Variants in ROBO1 observed in about 807,000 individuals in gnomAD.
ROBO1 encodes the protein roundabout guidance receptor 1, also known as roundabout homolog 1.
ROBO1 carries 149 observed loss-of-function variants against 195.9 expected under a neutral mutation model. The ratio of observed to expected loss-of-function variants is 0.76; its 90% CI spans 0.67 to 0.87. ROBO1 has a LOEUF of 0.87. ROBO1 is among the 40% of genes least tolerant of loss of function. The pLI, the probability that ROBO1 is intolerant of heterozygous loss-of-function variation, is 0.00. For synonymous variants in ROBO1, 816 were observed against 733.2 expected (o/e 1.11, Z -1.82); for missense variants, 1,933 against 2,068.3 (o/e 0.93, Z 1.27).
intron 3 of ROBO1, among the ~76,000 whole-genome samples, chr3:79,001,883 T>C (rs530269367): frequency 6.6e-6 from 1 of 152,144 alleles, no homozygotes; most frequent in East Asian, 1.9e-4. Context: ...AACATAAACT[T>C]ATTTAATTTT....
At chr3:78,796,672 T>C (rs1228772463) in intron 4 of ROBO1, among the ~76,000 whole-genome samples, 1 of 152,178 alleles carries the variant, frequency 6.6e-6, no homozygotes, top group Non-Finnish European at 1.5e-5. Flanking sequence ...CATCAAGTCC[T>C]GACAATCTTA....
intron 1 of ROBO1, among the ~76,000 whole-genome samples, chr3:79,615,690 T>C (rs958662689): frequency 1.3e-5 from 2 of 152,082 alleles, no homozygotes; most frequent in African/African-American, 4.8e-5. Context: ...AAGATAAACA[T>C]GTAGAACAAA....
In ROBO1 at chr3:78,631,148, A is replaced by G. The variant is rs993554398; in HGVS notation, c.3626+13T>C. The G allele has an allele frequency of 6.2e-7, 1 of 1,606,468 alleles. No individual in the cohort carries two copies. Among genetic ancestry groups the G allele is most frequent in the African/African-American group, 1.3e-5 (1 of 74,984 alleles). ...TATTACACTGTTTACATCTGTTTGG[A>G]TGCTCCTCTTACCTTTCATCTACAG... On this transcript the variant is annotated intron_variant, in intron 25 of 30. Transcript: ENST00000464233.
At chr3:78,711,276 TTTCTTTCC>T (rs1407934732) in intron 8 of ROBO1, among the ~76,000 whole-genome samples, 42 of 151,608 alleles carry the variant, frequency 2.8e-4, no homozygotes, top group African/African-American at 9.5e-4. Context: ...TCTTCCTTTC[TTTCTTTCC>T]CTTTCTTTCT....
At chr3:79,091,007 C>T (rs868193192) in intron 3 of ROBO1, among the ~76,000 whole-genome samples, 25 of 151,908 alleles carry the variant, frequency 1.6e-4, no homozygotes, top group African/African-American at 5.1e-4. Flanking sequence ...AGAAAGAGTG[C>T]GTTCTCTTTT....
rs554822680 is a variant in ROBO1 at position 79,281,943 on chromosome 3, C to T, written c.89-156404G>A. 1.4e-3 allele frequency among the ~76,000 whole-genome samples: 214 copies of T among 152,200 alleles called. 1 individual carries two copies. The highest frequency in any genetic ancestry group is 4.9e-3 in the African/African-American group (205 of 41,544). ...ATAAATATTTTTGCAACCATTCATT[C>T]GTTTGTTCACCCATTATTTATTCAA... On this transcript the variant is annotated intron_variant, in intron 2 of 30. Transcript: ENST00000464233.
intron 1 of ROBO1, among the ~76,000 whole-genome samples, chr3:79,605,887 C>T (rs28493669): frequency 0.86 from 130,116 of 151,748 alleles, 56,046 homozygotes; most frequent in African/African-American, 0.92. Context: ...TCAAGAACAA[C>T]AAGGGCTTTT....
chr3:79,127,919 C>T (rs1019647229), intron 2 of ROBO1, among the ~76,000 whole-genome samples: 11 of 152,074 alleles, frequency 7.2e-5, no homozygotes, highest in Admixed American at 1.3e-4. Context: ...TTCAATCTAC[C>T]TTGTTCTGCC....
At chr3:78,855,210 C>T (rs924453384) in intron 4 of ROBO1, among the ~76,000 whole-genome samples, 1 of 152,056 alleles carries the variant, frequency 6.6e-6, no homozygotes, top group Non-Finnish European at 1.5e-5. Flanking sequence ...TCATGTTCAC[C>T]CAGCAGTATC....
At chr3:79,400,881 TG>T (rs1017318116) in intron 2 of ROBO1, among the ~76,000 whole-genome samples, 3 of 151,948 alleles carry the variant, frequency 2.0e-5, no homozygotes, top group Non-Finnish European at 4.4e-5. Flanking sequence ...GTAGGATTTT[TG>T]GACTTGTTCA....
At position 78,899,797 on chromosome 3, in the gene ROBO1, A is replaced by T. The variant is rs150036777; in HGVS notation, c.499+38804T>A. ...GATGGTTTTCCTTAAAAATAATATT[A>T]CCTAAAAAAAACAACACATCCTGTC... is the stretch of plus-strand genomic sequence containing the variant. On this transcript the variant is annotated intron_variant, in intron 4 of 30. Transcript: ENST00000464233. 6.5e-3 allele frequency among the ~76,000 whole-genome samples: 983 copies of T among 152,310 alleles called. 10 individuals are homozygous for T. Among genetic ancestry groups the T allele is most frequent in the Middle Eastern group, 0.034 (10 of 294 alleles).
At chr3:78,714,654 G>C in intron 7 of ROBO1, 130 bp from the exon 8 acceptor site, 1 of 780,300 alleles carries the variant, frequency 1.3e-6, no homozygotes, top group Non-Finnish European at 1.9e-6. Flanking sequence ...GTAAAACATG[G>C]TATTCCTCTA....
chr3:79,350,620 A>T (rs1056002157), intron 2 of ROBO1, among the ~76,000 whole-genome samples: 1 of 152,202 alleles, frequency 6.6e-6, no homozygotes, highest in African/African-American at 2.4e-5. Context: ...ACAAAGGAAA[A>T]AGGATGGCTA....
chr3:79,313,621 A>G (rs1007996774), intron 2 of ROBO1, among the ~76,000 whole-genome samples: 3 of 152,194 alleles, frequency 2.0e-5, no homozygotes, highest in Non-Finnish European at 2.9e-5. Flanking sequence ...TTCAATTATG[A>G]GTTATGTGCA....
At chr3:78,792,902 C>T (rs772858653) in intron 4 of ROBO1, among the ~76,000 whole-genome samples, 5 of 151,944 alleles carry the variant, frequency 3.3e-5, no homozygotes, top group Non-Finnish European at 7.4e-5. Flanking sequence ...GAGTTTGAGA[C>T]CAGCCTGGGC....
At chr3:79,369,477 G>A (rs1238570590) in intron 2 of ROBO1, among the ~76,000 whole-genome samples, 1 of 152,176 alleles carries the variant, frequency 6.6e-6, no homozygotes, top group East Asian at 1.9e-4. Context: ...CATGAAGGGA[G>A]CTTAAATAAT....
intron 4 of ROBO1, among the ~76,000 whole-genome samples, chr3:78,862,454 A>C (rs974808325): frequency 6.6e-6 from 1 of 152,338 alleles, no homozygotes; most frequent in South Asian, 2.1e-4. Flanking sequence ...TCAGACCCTA[A>C]GCAAAACACC....
intron 3 of ROBO1, among the ~76,000 whole-genome samples, chr3:79,016,748 C>G (rs1261204634): frequency 6.6e-6 from 1 of 152,124 alleles, no homozygotes; most frequent in Non-Finnish European, 1.5e-5. Context: ...GTAATCTGCC[C>G]CTCCAGTCAT....
At chr3:78,716,324 G>A (rs1233821790) in intron 7 of ROBO1, among the ~76,000 whole-genome samples, 1 of 152,178 alleles carries the variant, frequency 6.6e-6, no homozygotes, top group Non-Finnish European at 1.5e-5. Flanking sequence ...CATGGCTGGG[G>A]AGACCTCAGG....
Sources: allele counts gnomAD v4.1 joint callset (sites outside exome capture counted in the v4.1 genomes callset), GRCh38; gene constraint gnomAD v4.1.1; transcripts MANE v1.5; gene names NCBI Gene and HGNC (gene_info 2026-07-23, HGNC 2026-07-21).